ZNF438: variants seen among roughly 807,000 people sequenced by gnomAD.
ZNF438 encodes zinc finger protein 438.
In ZNF438, 25 loss-of-function variants were observed where a neutral mutation model predicts 38.0. The ratio of observed to expected loss-of-function variants is 0.66; its 90% CI spans 0.48 to 0.92. The LOEUF (loss-of-function observed/expected upper bound fraction) is 0.92, where lower values mean the gene tolerates loss of function less well. Among genes scored for constraint, ZNF438 ranks in the 40% least tolerant of loss-of-function variants. The pLI, the probability that ZNF438 is intolerant of heterozygous loss-of-function variation, is 0.00. For missense variants in ZNF438, 1,007 were observed against 999.6 expected (o/e 1.01, Z -0.10); for synonymous variants, 372 against 364.1 (o/e 1.02, Z -0.25).
At chr10:30,915,281 G>GACCAT (rs2043491595) in intron 2 of ZNF438, among the ~76,000 whole-genome samples, 1 of 151,934 alleles carries the variant, frequency 6.6e-6, no homozygotes, top group Admixed American at 6.6e-5. Context: ...TAATATTCAT[G>GACCAT]GTCATTCCTA....
At chr10:31,030,034 G>A (rs748073074) in intron 1 of ZNF438, among the ~76,000 whole-genome samples, 11 of 152,226 alleles carry the variant, frequency 7.2e-5, no homozygotes, top group Non-Finnish European at 1.6e-4. Flanking sequence ...ATCTATGAAA[G>A]GGAGATACTA....
intron 4 of ZNF438, among the ~76,000 whole-genome samples, chr10:30,861,467 T>A (rs1461520203): frequency 6.6e-6 from 1 of 152,088 alleles, no homozygotes; most frequent in Non-Finnish European, 1.5e-5. Context: ...GCATTCTTTG[T>A]GAAAGAATTT....
chr10:30,925,756 C>T (rs1276965587), intron 2 of ZNF438, among the ~76,000 whole-genome samples: 2 of 152,154 alleles, frequency 1.3e-5, no homozygotes, highest in African/African-American at 4.8e-5. Flanking sequence ...ATGCTCTTTC[C>T]CCAGCTGCTA....
intron 1 of ZNF438, among the ~76,000 whole-genome samples, chr10:30,997,357 GA>G (rs999050816): frequency 2.0e-5 from 3 of 151,906 alleles, no homozygotes; most frequent in Non-Finnish European, 2.9e-5. Flanking sequence ...AATGGGAGGG[GA>G]AAAAAATGAA....
At chr10:30,989,331 T>C (rs2053213138) in intron 1 of ZNF438, among the ~76,000 whole-genome samples, 1 of 152,162 alleles carries the variant, frequency 6.6e-6, no homozygotes, top group African/African-American at 2.4e-5. Context: ...AGGAAGCTGC[T>C]CCCTGATAAG....
intron 1 of ZNF438, among the ~76,000 whole-genome samples, chr10:30,958,055 GT>G (rs1215983476): frequency 6.8e-6 from 1 of 146,734 alleles, no homozygotes; most frequent in Non-Finnish European, 1.5e-5. Flanking sequence ...TTTTCCCAAT[GT>G]TGCTTTGGCT....
chr10:30,915,516 A>C (rs2043524240), intron 2 of ZNF438, among the ~76,000 whole-genome samples: 1 of 152,208 alleles, frequency 6.6e-6, no homozygotes, highest in East Asian at 1.9e-4. Context: ...GGGTTGGGGT[A>C]AGCCCTTAAC....
rs80143307 is a variant in ZNF438 at position 30,989,573 on chromosome 10, T to C, written c.-192+42260A>G. Among the ~76,000 whole-genome samples, 575 of 152,292 alleles carry C rather than the reference T, an allele frequency of 3.8e-3. 4 individuals are homozygous for C. Among genetic ancestry groups the C allele is most frequent in the African/African-American group, 0.013 (534 of 41,562 alleles). On this transcript the variant is annotated intron_variant, in intron 1 of 5. Coordinates refer to ENST00000413025, the Ensembl canonical transcript of ZNF438. ...TGAGTGTGAGACAGAGAAGATGCTC[T>C]AAATGGTTGCTGAATAAACTAAAGT...
intron 2 of ZNF438, among the ~76,000 whole-genome samples, chr10:30,909,966 C>A (rs2042920425): frequency 1.3e-5 from 2 of 152,182 alleles, no homozygotes. Context: ...ACGTAAAGGT[C>A]ATGGCAGGTA....
chr10:30,962,403 T>C (rs1361163651), intron 1 of ZNF438, among the ~76,000 whole-genome samples: 1 of 147,436 alleles, frequency 6.8e-6, no homozygotes, highest in Non-Finnish European at 1.5e-5. Context: ...GAAAGTTTCA[T>C]AGTGCACATT....
At chr10:31,024,349 G>A (rs770932016) in intron 1 of ZNF438, among the ~76,000 whole-genome samples, 4 of 152,164 alleles carry the variant, frequency 2.6e-5, no homozygotes, top group African/African-American at 4.8e-5. Flanking sequence ...AGGTACGGCC[G>A]AGCGCAGTGG....
intron 1 of ZNF438, among the ~76,000 whole-genome samples, chr10:30,941,861 T>C (rs1589311532): frequency 6.6e-6 from 1 of 152,324 alleles, no homozygotes; most frequent in East Asian, 1.9e-4. Flanking sequence ...ATATATTGTC[T>C]TCACATATTT....
At chr10:30,969,552 T>C (rs188536189) in intron 1 of ZNF438, among the ~76,000 whole-genome samples, 35 of 152,292 alleles carry the variant, frequency 2.3e-4, no homozygotes, top group Admixed American at 1.1e-3. Context: ...GAAGGAAAAT[T>C]TTAAACAAAC....
At chr10:31,029,883 C>T (rs958162544) in intron 1 of ZNF438, among the ~76,000 whole-genome samples, 1 of 152,228 alleles carries the variant, frequency 6.6e-6, no homozygotes, top group African/African-American at 2.4e-5. Context: ...TTGTCCTGTG[C>T]TGTTCCTGCT....
intron 1 of ZNF438, among the ~76,000 whole-genome samples, chr10:31,016,289 A>G (rs2056192092): frequency 1.3e-5 from 2 of 152,218 alleles, no homozygotes; most frequent in African/African-American, 2.4e-5. Context: ...GTGTTGGTAC[A>G]ATTAGACAAT....
At chr10:30,905,881 A>AAG (rs1388162578) in intron 3 of ZNF438, among the ~76,000 whole-genome samples, 1 of 152,192 alleles carries the variant, frequency 6.6e-6, no homozygotes, top group Non-Finnish European at 1.5e-5. Context: ...CATAGATGTA[A>AAG]CAGTTTATTT....
intron 3 of ZNF438, 130 bp from the exon 5 acceptor site, chr10:30,877,195 T>A (rs1209435423): frequency 2.2e-6 from 1 of 462,064 alleles, no homozygotes; most frequent in Non-Finnish European, 3.7e-6. Context: ...AAGAAATGGA[T>A]TGAGCTATTA....
intron 1 of ZNF438, among the ~76,000 whole-genome samples, 155 bp from the exon 2 acceptor site, chr10:30,984,581 A>G (rs964092225): frequency 1.3e-5 from 2 of 152,172 alleles, no homozygotes; most frequent in African/African-American, 2.4e-5. Context: ...ATAATTCCAT[A>G]GTTGATTACA....
chr10:30,927,620 G>A (rs2045111205), intron 2 of ZNF438, among the ~76,000 whole-genome samples: 1 of 152,192 alleles, frequency 6.6e-6, no homozygotes, highest in African/African-American at 2.4e-5. Context: ...AACTTATAAT[G>A]TGCTAACTGG....
Sources: allele counts gnomAD v4.1 joint callset (sites outside exome capture counted in the v4.1 genomes callset), GRCh38; gene constraint gnomAD v4.1.1; transcripts MANE v1.5; gene names NCBI Gene and HGNC (gene_info 2026-07-23, HGNC 2026-07-21).